The following TRPM1 variants were observed in gnomAD, a reference collection of about 807,000 sequenced individuals.
The protein encoded by TRPM1 is transient receptor potential cation channel subfamily M member 1, also known as TRPM1-203 APA Isoform, Intron 10.
Under a neutral mutation model 149.4 loss-of-function variants are expected in TRPM1, and 113 were observed. That is an observed-to-expected ratio of 0.76 (90% CI 0.65 to 0.88). TRPM1 has a LOEUF of 0.88. TRPM1 is among the 40% of genes least tolerant of loss of function. The pLI is 0.00. For synonymous variants in TRPM1, 741 were observed against 759.5 expected, an observed-to-expected ratio of 0.98 and a Z score of 0.40; for missense variants, 1,976 against 2,038.7, an observed-to-expected ratio of 0.97 and a Z score of 0.59.
intron 1 of TRPM1, among the ~76,000 whole-genome samples, chr15:31,089,001 T>C (rs2035123254): frequency 6.6e-6 from 1 of 152,150 alleles, no homozygotes; most frequent in Non-Finnish European, 1.5e-5. Context: ...CAGTTCTAGA[T>C]TTAGGGTGAG....
intron 1 of TRPM1, among the ~76,000 whole-genome samples, chr15:31,108,935 A>G (rs2035645384): frequency 6.6e-6 from 1 of 152,110 alleles, no homozygotes; most frequent in Admixed American, 6.5e-5. Flanking sequence ...CTTCCTTGAT[A>G]TCCACAGTCT....
intron 7 of TRPM1, among the ~76,000 whole-genome samples, chr15:31,065,772 T>TGG (rs759182464): frequency 6.6e-6 from 1 of 152,150 alleles, no homozygotes; most frequent in Non-Finnish European, 1.5e-5. Flanking sequence ...ACTTAAAAAA[T>TGG]AACAACTAAT....
At position 31,060,967 on chromosome 15, in the gene TRPM1, T is replaced by G. The variant is rs1292463832; in HGVS notation, c.1163-323A>C. Among the ~76,000 whole-genome samples the G allele has an allele frequency of 2.0e-5, 3 of 152,160 alleles. No homozygotes were observed. The East Asian group carries it at 5.8e-4, about 29-fold the overall frequency. ...GACTGCCAGGCAGCCAGCCTGACAG[T>G]GACCCTTCCCCTCTCTCTGTCCTCC... On this transcript the variant is annotated intron_variant, in intron 10 of 27. Transcript: ENST00000256552.
At chr15:31,038,195 T>C in intron 18 of TRPM1, 29 bp from the exon 19 acceptor site, 1 of 1,612,780 alleles carries the variant, frequency 6.2e-7, no homozygotes, top group Non-Finnish European at 8.5e-7. Context: ...TTTTTTAAGC[T>C]GTGGCAATTC....
At chr15:31,074,986 TTCC>T (rs574438383) in intron 3 of TRPM1, among the ~76,000 whole-genome samples, 123 of 152,336 alleles carry the variant, frequency 8.1e-4, no homozygotes, top group Non-Finnish European at 1.4e-3. Flanking sequence ...TCCAATTTTT[TTCC>T]TCCTATTGGT....
At chr15:31,159,295 G>A (rs12913209) in intron 1 of TRPM1, among the ~76,000 whole-genome samples, 46,339 of 152,014 alleles carry the variant, frequency 0.3, 7,668 homozygotes, top group East Asian at 0.62. Flanking sequence ...ACATACAGCA[G>A]TACACTGGGC....
intron 21 of TRPM1, 188 bp from the exon 22 acceptor site, chr15:31,033,128 C>T: frequency 1.3e-6 from 1 of 743,154 alleles, no homozygotes; most frequent in Non-Finnish European, 2.2e-6. Context: ...GGAATCCTCC[C>T]TATTCTTAGA....
intron 12 of TRPM1, 65 bp downstream of exon 12, chr15:31,050,344 A>G: frequency 6.2e-7 from 1 of 1,613,288 alleles, no homozygotes; most frequent in Non-Finnish European, 8.5e-7. Flanking sequence ...AGCAAGGACA[A>G]GAACCATCCC....
intron 1 of TRPM1, among the ~76,000 whole-genome samples, chr15:31,150,896 G>A (rs547210340): frequency 6.6e-5 from 10 of 152,234 alleles, no homozygotes; most frequent in South Asian, 2.1e-4. Context: ...TGACACATGC[G>A]CAGTAAGGGG....
chr15:31,023,072 G>T (rs2032602267), intron 27 of TRPM1, among the ~76,000 whole-genome samples: 1 of 152,218 alleles, frequency 6.6e-6, no homozygotes, highest in Admixed American at 6.5e-5. Context: ...ATGTGGATAT[G>T]TGCAGGCTCT....
At chr15:31,103,705 C>T (rs188435581), upstream of TRPM1, among the ~76,000 whole-genome samples, 10 of 150,514 alleles carry the variant, frequency 6.6e-5, no homozygotes, top group East Asian at 2.0e-4. Flanking sequence ...CCCAGCTACT[C>T]GGGAGGCTGA....
At position 31,115,263 on chromosome 15, in the gene TRPM1, T is replaced by A. The variant is rs544959025; in HGVS notation, c.55-38279A>T. 2.0e-5 allele frequency among the ~76,000 whole-genome samples: 3 copies of A among 151,880 alleles called. No homozygotes were observed. In the East Asian group the frequency reaches 5.8e-4, roughly 29 times the overall value. On this transcript the variant is annotated intron_variant, in intron 1 of 26. Coordinates refer to the TRPM1 transcript ENST00000542188. ...ACAGAGCAAGACTCTGTCTAAAAAA[T>A]AATAATAATAGATAAGTAAAAAGTA...
rs138846478 is a variant in TRPM1 at position 31,069,779 on chromosome 15, C to T, written c.279+252G>A. The T allele has an allele frequency of 1.8e-4, 256 of 1,454,668 alleles. 1 individual carries two copies. In the African/African-American group the frequency reaches 3.2e-3, roughly 18 times the overall value. 90.1% of individuals were successfully genotyped at this position (1,454,668 alleles called of 1,614,324 possible). ...GTGTGTTTGCAGGGTTGGGCCAGAGCCTGGTTTGTGGATTCAGAGCTTTGG... is the reference window on the plus strand; with the variant it reads ...GTGTGTTTGCAGGGTTGGGCCAGAGTCTGGTTTGTGGATTCAGAGCTTTGG... On this transcript the variant is annotated intron_variant, in intron 4 of 27. Transcript: ENST00000256552.
chr15:31,117,162 C>T (rs2035810614), intron 1 of TRPM1, among the ~76,000 whole-genome samples: 1 of 152,228 alleles, frequency 6.6e-6, no homozygotes, highest in Admixed American at 6.5e-5. Flanking sequence ...GCAGCCTGGC[C>T]AACATGGCAA....
rs371989352 is a variant in TRPM1, at chr15:31,092,886, G to T, written c.-84+8771C>A. On this transcript the variant is annotated intron_variant, in intron 1 of 27. Coordinates refer to ENST00000256552, the MANE Select transcript of TRPM1 (RefSeq NM_001252024.2). Reference sequence around the variant, plus strand: ...AAATGAGTCATCAAAGATACACACAGTGTGATTCCATTTGTATAAAGTTCA... The same window carrying T: ...AAATGAGTCATCAAAGATACACACATTGTGATTCCATTTGTATAAAGTTCA... 1.5e-4 allele frequency among the ~76,000 whole-genome samples: 23 copies of T among 152,324 alleles called. 1 individual carries two copies. In the East Asian group the frequency reaches 3.5e-3, roughly 23 times the overall value.
chr15:31,069,980 G>C, intron 4 of TRPM1, 51 bp downstream of exon 4: 1 of 1,613,994 alleles, frequency 6.2e-7, no homozygotes, highest in South Asian at 1.1e-5. Flanking sequence ...GAGACTGGCC[G>C]CCAATGAAAG....
chr15:31,054,170 T>C (rs1405857266), intron 11 of TRPM1, among the ~76,000 whole-genome samples: 1 of 152,178 alleles, frequency 6.6e-6, no homozygotes, highest in Non-Finnish European at 1.5e-5. Context: ...GTGATGATTT[T>C]CCTTCAAAAA....
chr15:31,134,900 G>A (rs1214070369), intron 1 of TRPM1, among the ~76,000 whole-genome samples: 1 of 152,184 alleles, frequency 6.6e-6, no homozygotes, highest in South Asian at 2.1e-4. Flanking sequence ...CTACTTGGGA[G>A]GCTGAGGCAG....
At position 31,099,961 on chromosome 15, in the gene TRPM1, C is replaced by T. The variant is rs75995060; in HGVS notation, c.-84+1696G>A. On this transcript the variant is annotated intron_variant, in intron 1 of 27. Coordinates refer to ENST00000256552, the MANE Select transcript of TRPM1 (RefSeq NM_001252024.2). ...CCGTTCTTAATTCCTCCCTAAATAT[C>T]TGATTCAGACAGAGAAAATGTGTCT... 1.6e-4 allele frequency among the ~76,000 whole-genome samples: 24 copies of T among 152,300 alleles called. No individual in the cohort carries two copies. The East Asian group carries it at 4.4e-3, about 28-fold the overall frequency.
Sources: allele counts gnomAD v4.1 joint callset (sites outside exome capture counted in the v4.1 genomes callset), GRCh38; gene constraint gnomAD v4.1.1; transcripts MANE v1.5; gene names NCBI Gene and HGNC (gene_info 2026-07-23, HGNC 2026-07-21).